ERI1: variants seen among roughly 807,000 people sequenced by gnomAD.
The protein encoded by ERI1 is 3'-5' exoribonuclease 1.
In ERI1, 39 loss-of-function variants were observed where a neutral mutation model predicts 39.7. The ratio of observed to expected loss-of-function variants is 0.98; its 90% CI spans 0.76 to 1.28. ERI1 has a LOEUF of 1.28. Among genes scored for constraint, ERI1 ranks in the 50% most tolerant of loss-of-function variants. The pLI, the probability that ERI1 is intolerant of heterozygous loss-of-function variation, is 0.00. For missense variants in ERI1, 581 were observed against 416.9 expected (o/e 1.39, Z -3.43); for synonymous variants, 204 against 149.6 (o/e 1.36, Z -2.65).
Position 9,011,742 on chromosome 8 carries a change from C to G in ERI1, c.488C>G (p.Thr163Ser), listed in dbSNP as rs774140433. 8 of 1,594,280 alleles carry G rather than the reference C, an allele frequency of 5.0e-6. No individual in the cohort carries two copies. The highest frequency in any genetic ancestry group is 1.4e-5 in the African/African-American group (1 of 73,994). Residue 163 changes from threonine (T) to serine (S), a missense_variant, in exon 3 of 7, where the codon ACT becomes AGT. Thr to Ser is a moderately conservative substitution (Grantham distance 58). Transcript: ENST00000250263. Reference protein sequence around the residue: ...EFPVVLLNTHTLEIEDTFQQY... With the variant: ...EFPVVLLNTHSLEIEDTFQQY... ...CCGGTTGTTTTACTGAATACGCATA[C>G]TTTAGAAATAGTAAGTGAATTTTTG...
At chr8:9,060,832 C>A (rs942651766) in intron 3 of ERI1, among the ~76,000 whole-genome samples, 5 of 152,120 alleles carry the variant, frequency 3.3e-5, no homozygotes, top group African/African-American at 1.2e-4. Flanking sequence ...GGATCTGATG[C>A]GTTTTGATGC....
chr8:9,004,356 T>G (rs1815724119), intron 1 of ERI1: 2 of 941,554 alleles, frequency 2.1e-6, no homozygotes, highest in Admixed American at 9.3e-5. Context: ...TGTGTTTGAA[T>G]ATGCTTCTTT....
chr8:9,020,719 A>G (rs1817792425), intron 6 of ERI1, among the ~76,000 whole-genome samples: 1 of 152,132 alleles, frequency 6.6e-6, no homozygotes, highest in Non-Finnish European at 1.5e-5. Flanking sequence ...CAGTATGTGG[A>G]TTGTTCATGG....
rs889717935 is a variant in ERI1, at chr8:9,029,870, C to T, written c.886C>T (p.Leu296Phe). 6.2e-7 allele frequency: 1 copy of T among 1,614,172 alleles called. No individual in the cohort carries two copies. The highest frequency in any genetic ancestry group is 8.5e-7 in the Non-Finnish European group (1 of 1,180,030). ...TTATGATGGGCGGCCTCACTGTGGTCTTGATGACTCTAAGAATATCGCCCG... is the reference window on the plus strand; with the variant it reads ...TTATGATGGGCGGCCTCACTGTGGTTTTGATGACTCTAAGAATATCGCCCG... ...MDYDGRPHCGLDDSKNIARIA... is the reference protein window; with the variant it reads ...MDYDGRPHCGFDDSKNIARIA... The change falls in exon 7 of 7, where the codon CTT becomes TTT. Residue 296 changes from leucine to phenylalanine, a missense_variant. Transcript: ENST00000250263.
At chr8:9,035,188 G>C (rs1392306368), downstream of ERI1, among the ~76,000 whole-genome samples, 2 of 152,198 alleles carry the variant, frequency 1.3e-5, no homozygotes, top group African/African-American at 4.8e-5. Flanking sequence ...ATCTAGCTAA[G>C]ATCTAGCTAA....
chr8:9,091,256 C>G (rs34612945), intron 3 of ERI1: 1 of 152,160 alleles, frequency 6.6e-6, no homozygotes, highest in East Asian at 1.9e-4. Flanking sequence ...AGCAGTGGCT[C>G]ACGCCTGTAA....
At chr8:9,015,100 G>T (rs1001934620) in intron 3 of ERI1, among the ~76,000 whole-genome samples, 8 of 152,104 alleles carry the variant, frequency 5.3e-5, no homozygotes, top group African/African-American at 1.9e-4. Context: ...GCCTCCCAGA[G>T]TGCTGGGATT....
chr8:9,057,645 T>C (rs111792355), intron 3 of ERI1, among the ~76,000 whole-genome samples: 22 of 152,344 alleles, frequency 1.4e-4, no homozygotes, highest in African/African-American at 4.6e-4. Context: ...GTACGGACTG[T>C]ACATTCTAGT....
chr8:9,099,326 G>A (rs1161645073), intron 3 of ERI1, among the ~76,000 whole-genome samples: 1 of 151,544 alleles, frequency 6.6e-6, no homozygotes, highest in Non-Finnish European at 1.5e-5. Context: ...ACAGGGCCAG[G>A]CACAGTGGCT....
At chr8:9,047,150 C>T (rs965491307) in intron 3 of ERI1, among the ~76,000 whole-genome samples, 1 of 152,174 alleles carries the variant, frequency 6.6e-6, no homozygotes, top group Non-Finnish European at 1.5e-5. Flanking sequence ...CTGCACAGGG[C>T]ACTTAGATAT....
intron 6 of ERI1, 58 bp downstream of exon 6, chr8:9,020,522 G>A: frequency 9.2e-7 from 1 of 1,082,756 alleles, no homozygotes; most frequent in Non-Finnish European, 1.3e-6. Flanking sequence ...GTTAAAATTT[G>A]CATGTACGTT....
At chr8:9,060,345 G>T (rs1284271649) in intron 3 of ERI1, among the ~76,000 whole-genome samples, 1 of 152,008 alleles carries the variant, frequency 6.6e-6, no homozygotes, top group Non-Finnish European at 1.5e-5. Flanking sequence ...CAGACTAAGA[G>T]ATATTTTAGT....
In ERI1 at chr8:9,075,468, A is replaced by G. The variant is rs528935746; in HGVS notation, n.300-40880A>G. ...GAGCCTCCATGTAAACATTAGGTTA[A>G]TATCACATGCTGAACATGCCTTTTT... On this transcript the variant is annotated intron_variant and non_coding_transcript_variant, in intron 3 of 3. Coordinates refer to the ERI1 transcript ENST00000518663. Among the ~76,000 whole-genome samples the G allele has an allele frequency of 1.3e-5, 2 of 151,464 alleles. 1 individual carries two copies. Among genetic ancestry groups the G allele is most frequent in the South Asian group, 4.2e-4 (2 of 4,800 alleles).
chr8:9,025,461 G>A (rs1018666605), intron 6 of ERI1, among the ~76,000 whole-genome samples: 1 of 152,234 alleles, frequency 6.6e-6, no homozygotes, highest in African/African-American at 2.4e-5. Flanking sequence ...GTTTTGCAGC[G>A]CTTCTTCCAA....
At position 9,031,104 on chromosome 8, in the gene ERI1, T is replaced by C. The variant is rs1033500520; in HGVS notation, c.*1070T>C. ...AGGCTAAACCCATGTATTTTCAGAA[T>C]TGAATTTTTCTCCTTGTAGCTTTCA... On this transcript the variant is annotated 3_prime_UTR_variant, in exon 7 of 7. Coordinates refer to ENST00000250263, the MANE Select transcript of ERI1 (RefSeq NM_153332.4). 6.6e-6 allele frequency: 1 copy of C among 152,224 alleles called. No individual in the cohort carries two copies. The highest frequency in any genetic ancestry group is 1.5e-5 in the Non-Finnish European group (1 of 68,026). 9.4% of individuals were successfully genotyped at this position (152,224 alleles called of 1,614,324 possible).
intron 1 of ERI1, among the ~76,000 whole-genome samples, chr8:9,007,521 G>A (rs1816148084): frequency 6.6e-6 from 1 of 152,072 alleles, no homozygotes; most frequent in Non-Finnish European, 1.5e-5. Context: ...TGGGTGTAGG[G>A]GTCTGATACA....
intron 1 of ERI1, 122 bp from the exon 2 acceptor site, chr8:9,007,848 A>G (rs1816187623): frequency 1.4e-6 from 2 of 1,399,344 alleles, no homozygotes; most frequent in South Asian, 1.6e-5. Context: ...AACACTTTTC[A>G]TTGAACATGT....
intron 4 of ERI1, 70 bp from the exon 5 acceptor site, chr8:9,018,227 T>C: frequency 1.3e-6 from 1 of 787,714 alleles, no homozygotes; most frequent in East Asian, 2.5e-5. Flanking sequence ...CCAACTTAGG[T>C]CTGGGTATTT....
At chr8:9,004,012 G>A (rs1386295257) in intron 1 of ERI1, 2 of 1,134,468 alleles carry the variant, frequency 1.8e-6, no homozygotes, top group African/African-American at 1.6e-5. Flanking sequence ...TGCTCTGCGG[G>A]GTCGGGTGCC....
Sources: allele counts gnomAD v4.1 joint callset (sites outside exome capture counted in the v4.1 genomes callset), GRCh38; gene constraint gnomAD v4.1.1; transcripts MANE v1.5; gene names NCBI Gene and HGNC (gene_info 2026-07-23, HGNC 2026-07-21).